The following POU2F2 variants were observed in gnomAD, a reference collection of about 807,000 sequenced individuals.
POU2F2 encodes the protein POU class 2 homeobox 2.
Under a neutral mutation model 63.5 loss-of-function variants are expected in POU2F2, and 14 were observed. The observed-to-expected ratio is 0.22, with a 90% CI of 0.15 to 0.34. The LOEUF is 0.34. Ranked by LOEUF, POU2F2 falls within the 10% of genes least tolerant of loss-of-function variation. The pLI is 1.00. For missense variants in POU2F2, 607 were observed against 815.2 expected (o/e 0.74, Z 3.11); for synonymous variants, 306 against 348.6 (o/e 0.88, Z 1.36).
chr19:42,127,503 C>T (rs1335112559), intron 1 of POU2F2, among the ~76,000 whole-genome samples: 2 of 152,224 alleles, frequency 1.3e-5, no homozygotes, highest in East Asian at 1.9e-4. Context: ...CTGCCTCAGG[C>T]TCCCAAATAG....
intron 1 of POU2F2, among the ~76,000 whole-genome samples, chr19:42,173,553 T>C (rs1379947190): frequency 6.7e-6 from 1 of 150,162 alleles, no homozygotes; most frequent in Non-Finnish European, 1.5e-5. Flanking sequence ...ACTGACGGAC[T>C]TGCTAGAAAA....
intron 5 of POU2F2, among the ~76,000 whole-genome samples, chr19:42,107,521 T>C (rs1347186177): frequency 6.6e-6 from 1 of 152,188 alleles, no homozygotes; most frequent in East Asian, 1.9e-4. Context: ...AAAACAGTGT[T>C]TTGAGAGATC....
chr19:42,186,743 G>A (rs564065087), intron 1 of POU2F2, among the ~76,000 whole-genome samples: 4 of 152,128 alleles, frequency 2.6e-5, no homozygotes, highest in Non-Finnish European at 5.9e-5. Context: ...TAAAAAACCC[G>A]GAGGTAACTC....
At chr19:42,170,340 G>A (rs1714246) in intron 1 of POU2F2, among the ~76,000 whole-genome samples, 2 of 149,836 alleles carry the variant, frequency 1.3e-5, no homozygotes, top group Non-Finnish European at 1.5e-5. Context: ...GCACAAAGAC[G>A]GCCTCATGGG....
chr19:42,163,795 G>C (rs2034597782), intron 1 of POU2F2, among the ~76,000 whole-genome samples: 1 of 152,174 alleles, frequency 6.6e-6, no homozygotes, highest in Admixed American at 6.5e-5. Flanking sequence ...AACCAACCTA[G>C]ATATCATATG....
intron 1 of POU2F2, among the ~76,000 whole-genome samples, chr19:42,193,962 A>G (rs1779390392): frequency 6.6e-6 from 1 of 152,260 alleles, no homozygotes. Context: ...TAAGCAGAAT[A>G]TAGAAGAATC....
At chr19:42,126,671 C>A (rs1397712585) in intron 1 of POU2F2, among the ~76,000 whole-genome samples, 3 of 152,060 alleles carry the variant, frequency 2.0e-5, no homozygotes, top group Non-Finnish European at 2.9e-5. Flanking sequence ...TGTGGAAGCC[C>A]TAGCAAACTA....
intron 1 of POU2F2, among the ~76,000 whole-genome samples, chr19:42,187,086 G>A (rs1177707273): frequency 1.3e-5 from 2 of 152,126 alleles, no homozygotes; most frequent in African/African-American, 4.8e-5. Flanking sequence ...GAAATCACGA[G>A]TCGATGATGT....
intron 5 of POU2F2, among the ~76,000 whole-genome samples, chr19:42,113,893 G>A (rs944335911): frequency 2.6e-5 from 4 of 152,190 alleles, no homozygotes; most frequent in Non-Finnish European, 4.4e-5. Context: ...AAGTCAGGAA[G>A]AGCTGGTCCC....
chr19:42,127,073 C>A (rs2033266218), intron 1 of POU2F2, among the ~76,000 whole-genome samples: 2 of 151,888 alleles, frequency 1.3e-5, no homozygotes, highest in South Asian at 4.2e-4. Context: ...TGCACCACCA[C>A]ATCCAGGGAC....
At chr19:42,175,435 A>C (rs1040520641) in intron 1 of POU2F2, among the ~76,000 whole-genome samples, 1 of 151,844 alleles carries the variant, frequency 6.6e-6, no homozygotes, top group African/African-American at 2.4e-5. Flanking sequence ...AGCTGGCAAC[A>C]GGGGAAATGA....
At chr19:42,182,124 A>G (rs2034967769) in intron 1 of POU2F2, among the ~76,000 whole-genome samples, 1 of 151,850 alleles carries the variant, frequency 6.6e-6, no homozygotes, top group Admixed American at 6.6e-5. Flanking sequence ...AAAAGAAGAG[A>G]CCTGTTATTC....
At chr19:42,106,805 A>AGAG (rs1003678129) in intron 5 of POU2F2, among the ~76,000 whole-genome samples, 14 of 138,476 alleles carry the variant, frequency 1.0e-4, no homozygotes, top group South Asian at 2.3e-4. Context: ...AGGAGGAGGA[A>AGAG]GAGGAGGAGG....
intron 5 of POU2F2, among the ~76,000 whole-genome samples, chr19:42,111,666 G>A (rs1240636504): frequency 1.3e-5 from 2 of 152,074 alleles, no homozygotes; most frequent in Non-Finnish European, 2.9e-5. Flanking sequence ...CAAAATCCTA[G>A]GAGTCATCCT....
At chr19:42,101,976 CAAA>C (rs1297939775) in intron 5 of POU2F2, among the ~76,000 whole-genome samples, 5 of 85,246 alleles carry the variant, frequency 5.9e-5, no homozygotes, top group Admixed American at 1.4e-4. Flanking sequence ...GACTCCATCT[CAAA>C]AAAAAAAAAA....
At chr19:42,182,339 G>C (rs1305940723) in intron 1 of POU2F2, among the ~76,000 whole-genome samples, 2 of 151,952 alleles carry the variant, frequency 1.3e-5, no homozygotes, top group Non-Finnish European at 2.9e-5. Context: ...GACACAGGCA[G>C]AGGGAGATGT....
intron 2 of POU2F2, among the ~76,000 whole-genome samples, chr19:42,143,486 AAT>A (rs1449819112): frequency 6.6e-6 from 1 of 152,198 alleles, no homozygotes; most frequent in Non-Finnish European, 1.5e-5. Context: ...AAACAGACTT[AAT>A]ATAAGTTGTG....
intron 1 of POU2F2, among the ~76,000 whole-genome samples, chr19:42,174,615 C>T (rs1034155258): frequency 6.6e-6 from 1 of 152,064 alleles, no homozygotes; most frequent in Non-Finnish European, 1.5e-5. Context: ...TTTGGCTCCT[C>T]ACTCTGCCAA....
chr19:42,116,368 C>T (rs573217808), intron 5 of POU2F2, among the ~76,000 whole-genome samples: 4 of 152,282 alleles, frequency 2.6e-5, no homozygotes, highest in East Asian at 1.9e-4. Context: ...GTACCATTCA[C>T]GAGAGTGACT....
Sources: gnomAD v4.1 joint callset for allele counts (sites outside exome capture counted in the v4.1 genomes callset) on GRCh38, gnomAD v4.1.1 for gene constraint, MANE v1.5 for transcripts, NCBI Gene and HGNC (gene_info 2026-07-23, HGNC 2026-07-21) for gene names.